The following GREP1 variants were observed in gnomAD, a reference collection of about 807,000 sequenced individuals.
GREP1 encodes glycine-rich extracellular protein 1.
chr16:2,989,574 G>A lies in GREP1; in HGVS notation c.130+22G>A. On this transcript the variant is annotated intron_variant, in intron 3 of 34. Coordinates refer to ENST00000573315, the Ensembl canonical transcript of GREP1. The surrounding 1 kb of genome is among the most constrained non-coding windows in gnomAD (Gnocchi z 4.2). ...GCAGGTGAGGCCTGGCATAGGGAAGGGAGGCGTCTGAGGGCAGGGCACGGG... is the reference window on the plus strand; with the variant it reads ...GCAGGTGAGGCCTGGCATAGGGAAGAGAGGCGTCTGAGGGCAGGGCACGGG... 1 of 399,914 alleles carries A rather than the reference G, an allele frequency of 2.5e-6. No homozygotes were observed. Among genetic ancestry groups the A allele is most frequent in the Non-Finnish European group, 4.4e-6 (1 of 226,692 alleles). The allele number at this position is 399,914 out of a possible 1,614,324, so 24.8% of individuals were successfully genotyped here.
intron 29 of GREP1, 34 bp downstream of exon 26, chr16:3,000,152 CG>C (rs1219251752): frequency 2.5e-6 from 1 of 399,046 alleles, no homozygotes; most frequent in Non-Finnish European, 4.4e-6. Flanking sequence ...CCATGTTGAG[CG>C]GAAGCTGGCA....
Position 2,992,791 on chromosome 16 carries a change from C to T in GREP1, c.323-14C>T. 2.5e-6 allele frequency: 1 copy of T among 399,204 alleles called. No individual in the cohort carries two copies. Among genetic ancestry groups the T allele is most frequent in the Non-Finnish European group, 4.4e-6 (1 of 226,170 alleles). 24.7% of individuals were successfully genotyped at this position (399,204 alleles called of 1,614,324 possible). ...TGCACCACCTTCCACACTCCTGTGT[C>T]TGCCCTCAAACAGGTCCTGCCGCTC... On this transcript the variant is annotated splice_polypyrimidine_tract_variant and intron_variant, in intron 8 of 34. Transcript: ENST00000573315. The surrounding 1 kb of genome is among the most constrained non-coding windows in gnomAD (Gnocchi z 4.9).
chr16:2,990,916 G>A (rs1282391324), intron 7 of GREP1, 132 bp from the exon 7 acceptor site: 3 of 398,462 alleles, frequency 7.5e-6, no homozygotes, highest in Non-Finnish European at 1.3e-5. Flanking sequence ...CTTTGGAGGG[G>A]CTGAGAAGCC....
intron 22 of GREP1, 89 bp from the exon 21 acceptor site, chr16:2,997,714 G>C: frequency 2.5e-6 from 1 of 398,570 alleles, no homozygotes; most frequent in Non-Finnish European, 4.4e-6. Context: ...GGTTGGCATG[G>C]GCACCAGGTG....
intron 13 of GREP1, 23 bp from the exon 15 acceptor site, chr16:2,995,261 A>G: frequency 5.0e-6 from 2 of 398,884 alleles, no homozygotes; most frequent in East Asian, 7.1e-5. Flanking sequence ...TAGGTACCTC[A>G]TCTGCTCCCC....
intron 10 of GREP1, chr16:2,994,439 G>A: frequency 3.4e-6 from 1 of 297,616 alleles, no homozygotes. Context: ...AACCCGGGAG[G>A]CGGAGGTTGC....
Position 3,000,138 on chromosome 16 carries a change from C to T in GREP1, c.1264+20C>T, listed in dbSNP as rs759806640. ...AAATTGGTGAGTCCTCCTGGGCCCC[C>T]GACCCATGTTGAGCGGAAGCTGGCA... On this transcript the variant is annotated intron_variant, in intron 29 of 34. Transcript: ENST00000573315. 2.8e-5 allele frequency: 11 copies of T among 399,024 alleles called. No individual in the cohort carries two copies. The highest frequency in any genetic ancestry group is 6.2e-5 in the African/African-American group (3 of 48,632). 24.7% of individuals were successfully genotyped at this position (399,024 alleles called of 1,614,324 possible).
At chr16:2,994,496 C>A (rs1053471391) in intron 10 of GREP1, 19 of 383,142 alleles carry the variant, frequency 5.0e-5, no homozygotes, top group East Asian at 1.5e-4. Context: ...GCAACAAGAG[C>A]GAGACTCCAT....
chr16:2,998,342 C>T lies in GREP1; in HGVS notation c.950-14C>T. The stretch of plus-strand genomic sequence containing the variant: ...GGCTGATGTCTGAACTGGCCTCTTT[C>T]TGTCTCTCCCCAGGCCTGCGAGGGA... On this transcript the variant is annotated splice_polypyrimidine_tract_variant and intron_variant, in intron 23 of 34. Transcript: ENST00000573315. 5.0e-6 allele frequency: 2 copies of T among 399,358 alleles called. No individual in the cohort carries two copies. The highest frequency in any genetic ancestry group is 8.8e-6 in the Non-Finnish European group (2 of 226,316). The allele number at this position is 399,358 out of a possible 1,614,324, so 24.7% of individuals were successfully genotyped here.
chr16:2,998,903 G>T, exon 26 of GREP1: 1 of 399,154 alleles, frequency 2.5e-6, no homozygotes, highest in Non-Finnish European at 4.4e-6. Context: ...CCACTCCAGG[G>T]GTCCCTTCGG....
Position 2,994,853 on chromosome 16 carries a change from G to A in GREP1, c.448+15G>A, listed in dbSNP as rs986384659. ...CCAGAAGCCAGGTGAGCCCTGCCCC[G>A]GCCTGTCCCTCTGCCTCCCCAAAAC... is the stretch of plus-strand genomic sequence containing the variant. On this transcript the variant is annotated intron_variant, in intron 12 of 34. Coordinates refer to ENST00000573315, the Ensembl canonical transcript of GREP1. 3 of 399,140 alleles carry A rather than the reference G, an allele frequency of 7.5e-6. No homozygotes were observed. The highest frequency in any genetic ancestry group is 3.6e-5 in the East Asian group (1 of 28,062). The allele number at this position is 399,140 out of a possible 1,614,324, so 24.7% of individuals were successfully genotyped here. A position where few individuals can be genotyped will look rare whatever the true frequency, so the allele number is the denominator to read the frequency against.
At chr16:2,998,607 C>T (rs55916547) in intron 25 of GREP1, 84 bp downstream of exon 23, 7,350 of 398,580 alleles carry the variant, frequency 0.018, 453 homozygotes, top group African/African-American at 0.13. Context: ...CCATCAGGAG[C>T]CCCATCCCTG....
At chr16:3,000,898 G>C (rs1219325712) in intron 33 of GREP1, 71 bp downstream of exon 27, 17 of 398,014 alleles carry the variant, frequency 4.3e-5, no homozygotes, top group Non-Finnish European at 5.7e-5. Flanking sequence ...CCTGGGCCCA[G>C]GTCTACCCAC....
Position 3,000,700 on chromosome 16 carries a change from TCTC to T in GREP1, c.1418-9_1418-7del. ...TGTGGGCAAGGGTACCCCTGCCAGC[TCTC>T]CTCCCCACAGGGCAGGCCGGGGTGC... is the stretch of plus-strand genomic sequence containing the variant. On this transcript the variant is annotated splice_polypyrimidine_tract_variant and intron_variant, in intron 32 of 34. Transcript: ENST00000573315. The T allele has an allele frequency of 2.5e-6, 1 of 398,772 alleles. No homozygotes were observed. Among genetic ancestry groups the T allele is most frequent in the Non-Finnish European group, 4.4e-6 (1 of 226,056 alleles). The allele number at this position is 398,772 out of a possible 1,614,324, so 24.7% of individuals were successfully genotyped here. A position where few individuals can be genotyped will look rare whatever the true frequency, so the allele number is the denominator to read the frequency against.
exon 19 of GREP1, chr16:2,996,500 T>C (rs2072425660): frequency 7.5e-6 from 3 of 398,658 alleles, no homozygotes; most frequent in Non-Finnish European, 1.3e-5. Flanking sequence ...CCCTAGAATA[T>C]GGCCATGGAA....
chr16:2,988,715 C>G, intron 2 of GREP1, 93 bp downstream of exon 2: 1 of 398,850 alleles, frequency 2.5e-6, no homozygotes, highest in Non-Finnish European at 4.4e-6. Context: ...CGATGCGGGG[C>G]CCAGGAGAGC....
chr16:2,996,982 C>T, exon 21 of GREP1: 1 of 399,254 alleles, frequency 2.5e-6, no homozygotes, highest in Non-Finnish European at 4.4e-6. Flanking sequence ...CAGGAAGGGG[C>T]AGGGCTGGGG....
intron 25 of GREP1, 56 bp from the exon 24 acceptor site, chr16:2,998,792 G>A (rs193023581): frequency 9.0e-5 from 36 of 398,968 alleles, no homozygotes; most frequent in East Asian, 6.8e-4. Context: ...CCTGGGTGGC[G>A]TCGGTGAGGA....
chr16:2,994,509 C>T lies in GREP1; in HGVS notation c.386-189C>T, dbSNP rs564695469. On this transcript the variant is annotated intron_variant, in intron 10 of 34. Coordinates refer to ENST00000573315, the Ensembl canonical transcript of GREP1. The stretch of plus-strand genomic sequence containing the variant: ...GGGCAACAAGAGCGAGACTCCATCT[C>T]AAGAAAATAAAAAAAAGAGCTCAGA... 1,209 of 392,452 alleles carry T rather than the reference C, an allele frequency of 3.1e-3. 2 individuals carry two copies. The highest frequency in any genetic ancestry group is 4.2e-3 in the Non-Finnish European group (932 of 222,628). 24.3% of individuals were successfully genotyped at this position (392,452 alleles called of 1,614,324 possible).
Sources: gnomAD v4.1 joint callset for allele counts on GRCh38, gnomAD v4.1.1 for gene constraint, Gnocchi (gnomAD v3.1) non-coding constraint, MANE v1.5 for transcripts, NCBI Gene and HGNC (gene_info 2026-07-23, HGNC 2026-07-21) for gene names.